CDK2: variants seen among roughly 807,000 people sequenced by gnomAD.
CDK2 encodes the protein cyclin-dependent kinase 2.
A neutral mutation model predicts 35.0 loss-of-function variants in CDK2; 8 were observed. The observed-to-expected ratio is 0.23, with a 90% CI of 0.13 to 0.41. CDK2 has a LOEUF of 0.41. CDK2 is among the 10% of genes least tolerant of loss of function. The probability of loss-of-function intolerance (pLI) is 1.00; values close to 1 mark genes in which losing one functional copy is unlikely to be tolerated. For synonymous variants in CDK2, 134 were observed against 137.7 expected (o/e 0.97, Z 0.19); for missense variants, 201 against 367.1 (o/e 0.55, Z 3.70).
rs371125844 is a variant in CDK2, at chr12:55,968,887, A to G, written c.425A>G (p.Lys142Arg). Residue 142 changes from lysine (K) to arginine (R), a missense_variant, in exon 4 of 7, where the codon AAG becomes AGG. Coordinates refer to ENST00000266970, the MANE Select transcript of CDK2 (RefSeq NM_001798.5). The part of the protein sequence containing the change: ...NLLINTEGAI[K>R]LADFGLARAF... ...CTTATTAACACAGAGGGGGCCATCA[A>G]GCTAGCAGACTTTGGACTAGCCAGA... The G allele has an allele frequency of 1.7e-5, 28 of 1,611,236 alleles. No individual in the cohort carries two copies. The highest frequency in any genetic ancestry group is 3.4e-5 in the Admixed American group (2 of 59,540).
Position 55,967,917 on chromosome 12 carries a change from C to G in CDK2, c.177C>G (p.Asn59Lys). Residue 59 changes from asparagine to lysine, a missense_variant, in exon 2 of 7, where the codon AAC becomes AAG. By Grantham distance (94) the Asn-to-Lys change is moderately conservative. This residue lies in a region of CDK2 where 37 missense variants were observed against 108.4 expected (regional missense o/e 0.34). Transcript: ENST00000266970. Reference sequence around the variant, plus strand: ...AGATCTCTCTGCTTAAGGAGCTTAACCATCCTAATATTGTCAAGTAAGTAT... The same window carrying G: ...AGATCTCTCTGCTTAAGGAGCTTAAGCATCCTAATATTGTCAAGTAAGTAT... The part of the protein sequence containing the change: ...IREISLLKEL[N>K]HPNIVKLLDV... 6.2e-7 allele frequency: 1 copy of G among 1,614,034 alleles called. No individual in the cohort carries two copies. Among genetic ancestry groups the G allele is most frequent in the Non-Finnish European group, 8.5e-7 (1 of 1,179,920 alleles).
At position 55,966,944 on chromosome 12, in the gene CDK2, C is replaced by T. The variant is rs1889330622; in HGVS notation, c.-65C>T. The T allele has an allele frequency of 7.6e-7, 1 of 1,321,186 alleles. No homozygotes were observed. The highest frequency in any genetic ancestry group is 1.5e-5 in the African/African-American group (1 of 68,808). 81.8% of individuals were successfully genotyped at this position (1,321,186 alleles called of 1,614,324 possible). ...CTCCTCGGCCCCCGAGAGCCAGGGTCCGCCTTCTGCAGGGTTCCCAGGCCC... is the reference window on the plus strand; with the variant it reads ...CTCCTCGGCCCCCGAGAGCCAGGGTTCGCCTTCTGCAGGGTTCCCAGGCCC... On this transcript the variant is annotated 5_prime_UTR_variant, in exon 1 of 7. Transcript: ENST00000266970.
Position 55,971,793 on chromosome 12 carries a change from G to GA in CDK2, c.*170dup. On this transcript the variant is annotated 3_prime_UTR_variant, in exon 7 of 7. Transcript: ENST00000266970. ...CTGGGAATACAGGGGTGAAAGGGGG[G>GA]AACCAGTGAAAATGAAAGGAAGTTT... The GA allele has an allele frequency of 1.7e-6, 1 of 576,302 alleles. No homozygotes were observed. 35.7% of individuals were successfully genotyped at this position (576,302 alleles called of 1,614,324 possible).
chr12:55,970,288 CAAAAAAAAAAAAAAA>C lies in CDK2; in HGVS notation c.588+727_589-727del, dbSNP rs60371110. 9.1e-4 allele frequency among the ~76,000 whole-genome samples: 20 copies of C among 21,878 alleles called. 1 individual carries two copies. The highest frequency in any genetic ancestry group is 3.4e-3 in the South Asian group (1 of 292). 14.4% of individuals were successfully genotyped at this position (21,878 alleles called of 152,430 possible). A position where few individuals can be genotyped will look rare whatever the true frequency, so the allele number is the denominator to read the frequency against. On this transcript the variant is annotated intron_variant, in intron 5 of 6. Transcript: ENST00000266970. ...TGGGCGACAGAATGAGATTCCATCT[CAAAAAAAAAAAAAAA>C]AAAAAAAAAAAAAAGATTTAGATCA...
At chr12:55,967,803 G>A (rs181643956) in intron 1 of CDK2, 54 bp from the exon 2 acceptor site, 812 of 1,443,984 alleles carry the variant, frequency 5.6e-4, no homozygotes, top group Non-Finnish European at 7.4e-4. Context: ...TAGGTGGGGG[G>A]GAAAGGAATA....
intron 3 of CDK2, 67 bp downstream of exon 3, chr12:55,968,236 G>T: frequency 2.5e-6 from 4 of 1,586,040 alleles, no homozygotes; most frequent in Non-Finnish European, 3.4e-6. Flanking sequence ...GGCAATTCAG[G>T]GTGATATTTT....
In CDK2 at chr12:55,971,133, G is replaced by A; in HGVS notation, c.678G>A (p.Val226=). 1 of 1,614,126 alleles carries A rather than the reference G, an allele frequency of 6.2e-7. No individual in the cohort carries two copies. Among genetic ancestry groups the A allele is most frequent in the Non-Finnish European group, 8.5e-7 (1 of 1,180,008 alleles). The change falls in exon 6 of 7, where the codon GTG becomes GTA. Residue 226 remains valine, a synonymous_variant. Coordinates refer to ENST00000266970, the MANE Select transcript of CDK2 (RefSeq NM_001798.5). ...FRTLGTPDEV[V]WPGVTSMPDY... ...CTCTGGGGACCCCAGATGAGGTGGT[G>A]TGGCCAGGAGTTACTTCTATGCCTG...
In CDK2 at chr12:55,971,782, G is replaced by T; in HGVS notation, c.*157G>T. 3.4e-6 allele frequency: 2 copies of T among 594,024 alleles called. No individual in the cohort carries two copies. The highest frequency in any genetic ancestry group is 1.9e-5 in the African/African-American group (1 of 53,362). 36.8% of individuals were successfully genotyped at this position (594,024 alleles called of 1,614,324 possible). On this transcript the variant is annotated 3_prime_UTR_variant, in exon 7 of 7. Coordinates refer to ENST00000266970, the MANE Select transcript of CDK2 (RefSeq NM_001798.5). The stretch of plus-strand genomic sequence containing the variant: ...GCCAGCCAACTCTGGGAATACAGGG[G>T]TGAAAGGGGGGAACCAGTGAAAATG...
rs886168817 is a variant in CDK2 at position 55,971,586 on chromosome 12, C to T, written c.858C>T (p.Phe286=). The part of the protein sequence containing the change: ...SAKAALAHPF[F]QDVTKPVPHL... ...AGGCAGCCCTGGCTCACCCTTTCTT[C>T]CAGGATGTGACCAAGCCAGTACCCC... is the stretch of plus-strand genomic sequence containing the variant. The change falls in exon 7 of 7, where the codon TTC becomes TTT. Residue 286 remains phenylalanine, a synonymous_variant. Transcript: ENST00000266970. 6 of 1,614,034 alleles carry T rather than the reference C, an allele frequency of 3.7e-6. No individual in the cohort carries two copies. Among genetic ancestry groups the T allele is most frequent in the Admixed American group, 1.7e-5 (1 of 59,992 alleles).
At position 55,972,768 on chromosome 12, in the gene CDK2, AT is replaced by A. The variant is rs1332562652; in HGVS notation, c.*1144del. ...ATTTAGTTTGTAGCTCATTAAAAAA[AT>A]GTGCCTAGTTTTATAGTTCATCTCT... On this transcript the variant is annotated 3_prime_UTR_variant, in exon 7 of 7. Transcript: ENST00000266970. The A allele has an allele frequency of 2.6e-5, 4 of 151,992 alleles. No homozygotes were observed. The highest frequency in any genetic ancestry group is 6.6e-5 in the Admixed American group (1 of 15,246). The allele number at this position is 151,992 out of a possible 1,614,324, so 9.4% of individuals were successfully genotyped here.
Position 55,971,742 on chromosome 12 carries a change from C to A in CDK2, c.*117C>A. The A allele has an allele frequency of 1.4e-6, 1 of 703,256 alleles. No homozygotes were observed. The highest frequency in any genetic ancestry group is 2.5e-6 in the Non-Finnish European group (1 of 401,924). The allele number at this position is 703,256 out of a possible 1,614,324, so 43.6% of individuals were successfully genotyped here. On this transcript the variant is annotated 3_prime_UTR_variant, in exon 7 of 7. Transcript: ENST00000266970. ...GCCCTCTGAACTTGCCTTAAACACT[C>A]ACCTTCTAGTCTTGGCCAGCCAACT...
At chr12:55,969,614 C>T (rs747228634) in intron 5 of CDK2, 38 bp downstream of exon 5, 3 of 1,171,416 alleles carry the variant, frequency 2.6e-6, no homozygotes, top group South Asian at 1.3e-5. Context: ...AGCCCCCTCC[C>T]TCTCCTCCCC....
intron 1 of CDK2, 153 bp downstream of exon 1, chr12:55,967,277 G>A (rs1338463006): frequency 9.3e-6 from 6 of 644,760 alleles, no homozygotes; most frequent in Non-Finnish European, 1.7e-5. Context: ...AGTAGAAGGT[G>A]AAGAGTATAC....
At chr12:55,967,984 G>A in intron 2 of CDK2, 50 bp downstream of exon 2, 2 of 1,613,712 alleles carry the variant, frequency 1.2e-6, no homozygotes, top group Non-Finnish European at 1.7e-6. Context: ...GATAAGTTCT[G>A]TCTGTACAGT....
At chr12:55,969,000 G>A (rs1371620320) in intron 4 of CDK2, 52 bp downstream of exon 4, 1 of 1,344,772 alleles carries the variant, frequency 7.4e-7, no homozygotes, top group African/African-American at 1.5e-5. Flanking sequence ...GTGTTAACTA[G>A]GGTATTCACA....
In CDK2 at chr12:55,967,846, AC is replaced by A. The variant is rs1889372731; in HGVS notation, c.117-9del. On this transcript the variant is annotated splice_polypyrimidine_tract_variant and intron_variant, in intron 1 of 6. Transcript: ENST00000266970. ...CCATATTCCCATCTCTGCTTTCCCA[AC>A]CTCTCCAAGTGAGACTGAGGGTGTG... is the stretch of plus-strand genomic sequence containing the variant. 5 of 1,611,838 alleles carry A rather than the reference AC, an allele frequency of 3.1e-6. No individual in the cohort carries two copies. Among genetic ancestry groups the A allele is most frequent in the Non-Finnish European group, 4.2e-6 (5 of 1,178,004 alleles).
chr12:55,969,072 T>A, intron 4 of CDK2, 124 bp downstream of exon 4: 1 of 727,114 alleles, frequency 1.4e-6, no homozygotes, highest in Non-Finnish European at 2.2e-6. Context: ...CTTGACATCC[T>A]AAAGAGTCTT....
chr12:55,968,508 A>G (rs912411763), intron 3 of CDK2, among the ~76,000 whole-genome samples: 5 of 152,052 alleles, frequency 3.3e-5, no homozygotes, highest in African/African-American at 9.7e-5. Flanking sequence ...CCTATTGTCT[A>G]TTTTAGGGCT....
intron 5 of CDK2, chr12:55,969,797 T>G (rs887819218): frequency 6.5e-5 from 24 of 370,982 alleles, no homozygotes; most frequent in Non-Finnish European, 1.1e-4. Context: ...GGTATACATC[T>G]CTTATCCCTG....
Sources: gnomAD v4.1 joint callset for allele counts (sites outside exome capture counted in the v4.1 genomes callset) on GRCh38, gnomAD v4.1.1 for gene constraint, gnomAD v4.1.1 regional missense constraint, MANE v1.5 for transcripts, NCBI Gene and HGNC (gene_info 2026-07-23, HGNC 2026-07-21) for gene names.